DHRS7C: variants seen among roughly 807,000 people sequenced by gnomAD.
The protein encoded by DHRS7C is dehydrogenase/reductase SDR family member 7C.
DHRS7C carries 28 observed loss-of-function variants against 29.6 expected under a neutral mutation model. The ratio of observed to expected loss-of-function variants is 0.95; its 90% CI spans 0.70 to 1.30. The LOEUF (loss-of-function observed/expected upper bound fraction) is 1.30, where lower values mean the gene tolerates loss of function less well. Among genes scored for constraint, DHRS7C ranks in the 50% most tolerant of loss-of-function variants. The probability of loss-of-function intolerance (pLI) is 0.00; values close to 1 mark genes in which losing one functional copy is unlikely to be tolerated. For synonymous variants in DHRS7C, 158 were observed against 160.2 expected, an observed-to-expected ratio of 0.99 and a Z score of 0.10; for missense variants, 403 against 393.3, an observed-to-expected ratio of 1.02 and a Z score of -0.21.
chr17:9,787,184 C>T (rs1310718253), intron 1 of DHRS7C, among the ~76,000 whole-genome samples: 2 of 152,152 alleles, frequency 1.3e-5, no homozygotes, highest in South Asian at 2.1e-4. Flanking sequence ...GACCTCAGGT[C>T]ATCCCCCTGC....
At chr17:9,791,094 G>T (rs1337168768) in intron 1 of DHRS7C, 37 bp downstream of exon 1, 2 of 1,581,596 alleles carry the variant, frequency 1.3e-6, no homozygotes, top group Admixed American at 1.7e-5. Context: ...GTCCCTGGGG[G>T]CAGAAATGGG....
Position 9,791,207 on chromosome 17 carries a change from C to T in DHRS7C, c.78G>A (p.Val26=). The T allele has an allele frequency of 1.2e-6, 2 of 1,613,762 alleles. No homozygotes were observed. Among genetic ancestry groups the T allele is most frequent in the South Asian group, 1.1e-5 (1 of 90,954 alleles). Reference sequence around the variant, plus strand: ...CAGCTGACTTTGACCACAGCCTGGACACCTCTTGGTAAATGAAGAGGAGGC... The same window carrying T: ...CAGCTGACTTTGACCACAGCCTGGATACCTCTTGGTAAATGAAGAGGAGGC... ...ISGLLFIYQE[V]SRLWSKSAVQ... Residue 26 remains valine (V), a synonymous_variant, in exon 1 of 6, where the codon GTG becomes GTA. Coordinates refer to ENST00000571134, the MANE Select transcript of DHRS7C (RefSeq NM_001105571.3).
At position 9,784,644 on chromosome 17, in the gene DHRS7C, T is replaced by C. The variant is rs577469010; in HGVS notation, c.155-3050A>G. On this transcript the variant is annotated intron_variant, in intron 1 of 5. Coordinates refer to ENST00000571134, the MANE Select transcript of DHRS7C (RefSeq NM_001105571.3). ...TCTTACAAATCAATTAGAAAAAAGA[T>C]AAAGTTGCTAATAAAGAAATTGGTT... is the stretch of plus-strand genomic sequence containing the variant. Among the ~76,000 whole-genome samples, 3 of 152,322 alleles carry C rather than the reference T, an allele frequency of 2.0e-5. No individual in the cohort carries two copies. The South Asian group carries it at 6.2e-4, about 32-fold the overall frequency.
chr17:9,785,346 C>T (rs913592063), intron 1 of DHRS7C: 3 of 152,298 alleles, frequency 2.0e-5, no homozygotes, highest in Non-Finnish European at 4.4e-5. Context: ...AGCACAGTTC[C>T]CCGCAGCCAG....
Position 9,779,817 on chromosome 17 carries a change from C to T in DHRS7C, c.478+8G>A. 6.2e-7 allele frequency: 1 copy of T among 1,608,368 alleles called. No individual in the cohort carries two copies. The highest frequency in any genetic ancestry group is 8.5e-7 in the Non-Finnish European group (1 of 1,177,240). The stretch of plus-strand genomic sequence containing the variant: ...CAGATACCCATGGGAAAGTCAAACT[C>T]ACGAGACCTTTCGTCAATGTGATGG... On this transcript the variant is annotated splice_region_variant and intron_variant, in intron 3 of 5. Coordinates refer to ENST00000571134, the MANE Select transcript of DHRS7C (RefSeq NM_001105571.3).
chr17:9,775,001 A>T lies in DHRS7C; in HGVS notation c.572-2079T>A, dbSNP rs543999842. ...GCCTTGAGAGAATTCTGAGTCCCCA[A>T]TACTGTGTTTTGCAAATGTTCCCAG... On this transcript the variant is annotated intron_variant, in intron 4 of 5. Coordinates refer to ENST00000571134, the MANE Select transcript of DHRS7C (RefSeq NM_001105571.3). This position sits in a 1 kb window ranked among gnomAD's most constrained non-coding sequence, Gnocchi z 4.2. Among the ~76,000 whole-genome samples, 1 of 152,138 alleles carries T rather than the reference A, an allele frequency of 6.6e-6. No homozygotes were observed. The highest frequency in any genetic ancestry group is 1.5e-5 in the Non-Finnish European group (1 of 68,020).
Position 9,774,638 on chromosome 17 carries a change from C to T in DHRS7C, c.572-1716G>A, listed in dbSNP as rs567076327. 1.3e-5 allele frequency among the ~76,000 whole-genome samples: 2 copies of T among 152,286 alleles called. 1 individual carries two copies. Among genetic ancestry groups the T allele is most frequent in the African/African-American group, 4.8e-5 (2 of 41,558 alleles). ...ATGTGTGCCTGCAGCAGGAGGGACA[C>T]ATGGCAGGCTGCCTTCCCTTTCAAG... On this transcript the variant is annotated intron_variant, in intron 4 of 5. Coordinates refer to ENST00000571134, the MANE Select transcript of DHRS7C (RefSeq NM_001105571.3). This position sits in a 1 kb window ranked among gnomAD's most constrained non-coding sequence, Gnocchi z 5.0.
intron 1 of DHRS7C, among the ~76,000 whole-genome samples, chr17:9,790,705 C>T (rs2066449927): frequency 6.6e-6 from 1 of 152,230 alleles, no homozygotes; most frequent in African/African-American, 2.4e-5. Flanking sequence ...TTATCCTCGC[C>T]TTACAGATGA....
chr17:9,785,477 C>T (rs1357873717), intron 1 of DHRS7C, among the ~76,000 whole-genome samples: 1 of 152,180 alleles, frequency 6.6e-6, no homozygotes, highest in Non-Finnish European at 1.5e-5. Context: ...AAGTCACAGC[C>T]ACCAATGGCC....
At chr17:9,788,818 ATTTATTTAAG>A in intron 1 of DHRS7C, among the ~76,000 whole-genome samples, 1 of 152,278 alleles carries the variant, frequency 6.6e-6, no homozygotes, top group Middle Eastern at 3.4e-3. Flanking sequence ...AGAGCTAGGC[ATTTATTTAAG>A]GTCACACACA....
chr17:9,785,433 A>T (rs2066417807), intron 1 of DHRS7C, among the ~76,000 whole-genome samples: 1 of 152,170 alleles, frequency 6.6e-6, no homozygotes, highest in African/African-American at 2.4e-5. Flanking sequence ...GAAAACTGGG[A>T]CCTCTTCATT....
At chr17:9,787,742 C>G (rs1369372105) in intron 1 of DHRS7C, among the ~76,000 whole-genome samples, 1 of 152,052 alleles carries the variant, frequency 6.6e-6, no homozygotes, top group African/African-American at 2.4e-5. Flanking sequence ...GGGTCTCACT[C>G]TGTCGCCCAG....
intron 5 of DHRS7C, 38 bp from the exon 6 acceptor site, chr17:9,771,734 C>T (rs1470783057): frequency 1.2e-5 from 17 of 1,382,180 alleles, no homozygotes; most frequent in Non-Finnish European, 1.6e-5. Context: ...TTATGACCTC[C>T]GTGGGGACCC....
chr17:9,788,276 G>A (rs760710210), intron 1 of DHRS7C, among the ~76,000 whole-genome samples: 6 of 151,950 alleles, frequency 3.9e-5, no homozygotes, highest in Non-Finnish European at 7.4e-5. Flanking sequence ...GCATGATCTC[G>A]GCTCACTGCA....
rs118002917 is a variant in DHRS7C, at chr17:9,785,957, C to T, written c.155-4363G>A. On this transcript the variant is annotated intron_variant, in intron 1 of 5. Transcript: ENST00000571134. The stretch of plus-strand genomic sequence containing the variant: ...AATGGACATGTTATCAGGTATTAGA[C>T]TGGGCATCCCAATTCCAGAATCAAT... Among the ~76,000 whole-genome samples the T allele has an allele frequency of 6.2e-3, 944 of 152,188 alleles. 15 individuals are homozygous for T. Among genetic ancestry groups the T allele is most frequent in the East Asian group, 0.04 (208 of 5,168 alleles).
intron 1 of DHRS7C, among the ~76,000 whole-genome samples, chr17:9,785,457 A>G (rs912910782): frequency 6.6e-6 from 1 of 152,230 alleles, no homozygotes; most frequent in Admixed American, 6.5e-5. Flanking sequence ...GGTGGCCTGC[A>G]GAGCCAAAGA....
chr17:9,772,733 C>T, intron 5 of DHRS7C, 34 bp downstream of exon 5: 1 of 1,610,982 alleles, frequency 6.2e-7, no homozygotes, highest in Non-Finnish European at 8.5e-7. Flanking sequence ...TTCCCGAGGC[C>T]CCCAGGGGCC....
Position 9,781,478 on chromosome 17 carries a change from T to C in DHRS7C, c.267+4A>G. The stretch of plus-strand genomic sequence containing the variant: ...TACCCACGCCTACTGCTAGAAGACC[T>C]TACCTTGCTGGGGTCAGCCACGCTG... On this transcript the variant is annotated splice_donor_region_variant and intron_variant, in intron 2 of 5. Coordinates refer to ENST00000571134, the MANE Select transcript of DHRS7C (RefSeq NM_001105571.3). 6.2e-7 allele frequency: 1 copy of C among 1,613,866 alleles called. No homozygotes were observed. The highest frequency in any genetic ancestry group is 8.5e-7 in the Non-Finnish European group (1 of 1,179,794).
chr17:9,772,707 C>CA, intron 5 of DHRS7C, 60 bp downstream of exon 5: 3 of 1,578,904 alleles, frequency 1.9e-6, no homozygotes, highest in Non-Finnish European at 2.6e-6. Context: ...TTCATCCCCC[C>CA]AGTGACACCG....
Sources: gnomAD v4.1 joint callset for allele counts (sites outside exome capture counted in the v4.1 genomes callset) on GRCh38, gnomAD v4.1.1 for gene constraint, Gnocchi (gnomAD v3.1) non-coding constraint, MANE v1.5 for transcripts, NCBI Gene and HGNC (gene_info 2026-07-23, HGNC 2026-07-21) for gene names.